Variants in TENM3 observed in about 807,000 individuals in gnomAD.
The protein encoded by TENM3 is teneurin transmembrane protein 3.
In TENM3, 63 loss-of-function variants were observed where a neutral mutation model predicts 255.1. The observed-to-expected ratio is 0.25, with a 90% confidence interval of 0.20 to 0.30. The LOEUF (loss-of-function observed/expected upper bound fraction) is 0.30. Among genes scored for constraint, TENM3 ranks in the 10% least tolerant of loss-of-function variants. The pLI is 1.00. For synonymous variants in TENM3, 1,306 were observed against 1,322.3 expected (o/e 0.99, Z 0.27); for missense variants, 2,929 against 3,461.1 (o/e 0.85, Z 3.86).
chr4:181,937,813 C>A, the TENM3 span, among the ~76,000 whole-genome samples: 2 of 152,194 alleles, frequency 1.3e-5, no homozygotes, highest in African/African-American at 4.8e-5. Context: ...TCAGTTGCCC[C>A]AGTCATCTTT....
At chr4:182,621,804 T>A (rs866013873) in intron 4 of TENM3, among the ~76,000 whole-genome samples, 13 of 6,716 alleles carry the variant, frequency 1.9e-3, no homozygotes, top group South Asian at 0.1. Flanking sequence ...ATATATAATA[T>A]ATATATTATA....
At chr4:181,937,012 A>T in the TENM3 span, among the ~76,000 whole-genome samples, 1 of 152,250 alleles carries the variant, frequency 6.6e-6, no homozygotes, top group Non-Finnish European at 1.5e-5. Flanking sequence ...GGAGAATGCC[A>T]TCTAATTACA....
At chr4:181,654,030 C>A in the TENM3 span, among the ~76,000 whole-genome samples, 744 of 152,000 alleles carry the variant, frequency 4.9e-3, 3 homozygotes, top group African/African-American at 0.017. Context: ...TGAGTAGCAT[C>A]TTTTACTCCT....
the TENM3 span, among the ~76,000 whole-genome samples, chr4:181,862,066 G>T: frequency 6.6e-6 from 1 of 152,042 alleles, no homozygotes; most frequent in African/African-American, 2.4e-5. Context: ...GTTAAATTTT[G>T]TGTTAACGTT....
chr4:181,520,553 A>G, the TENM3 span, among the ~76,000 whole-genome samples: 1 of 152,134 alleles, frequency 6.6e-6, no homozygotes, highest in East Asian at 1.9e-4. Flanking sequence ...AAAACAAACA[A>G]AAAAACCTCT....
the TENM3 span, among the ~76,000 whole-genome samples, chr4:181,498,125 T>C: frequency 6.3e-3 from 956 of 152,214 alleles, 17 homozygotes; most frequent in Admixed American, 0.039. Context: ...TACATTCAAA[T>C]AGAGCCACAC....
intron 3 of TENM3, among the ~76,000 whole-genome samples, chr4:182,558,715 T>C (rs899010099): frequency 7.9e-5 from 12 of 152,226 alleles, no homozygotes; most frequent in Non-Finnish European, 1.5e-4. Flanking sequence ...TCTCCTAATG[T>C]AAACAATAAT....
intron 3 of TENM3, among the ~76,000 whole-genome samples, chr4:182,395,107 G>A (rs1446188327): frequency 6.6e-6 from 1 of 152,130 alleles, no homozygotes; most frequent in Non-Finnish European, 1.5e-5. Flanking sequence ...AAAGATAATC[G>A]TGCTGATGAT....
intron 3 of TENM3, among the ~76,000 whole-genome samples, chr4:182,598,818 T>A (rs1239115498): frequency 2.6e-5 from 4 of 152,198 alleles, no homozygotes; most frequent in Non-Finnish European, 4.4e-5. Flanking sequence ...TTTCTCACAT[T>A]ACAGGTGAGA....
At chr4:182,050,035 C>T in the TENM3 span, among the ~76,000 whole-genome samples, 1 of 151,912 alleles carries the variant, frequency 6.6e-6, no homozygotes, top group South Asian at 2.1e-4. Flanking sequence ...CTCTGTCTCC[C>T]AGGTTGGAGT....
chr4:181,629,907 G>A, the TENM3 span, among the ~76,000 whole-genome samples: 4 of 152,206 alleles, frequency 2.6e-5, no homozygotes, highest in Non-Finnish European at 5.9e-5. Flanking sequence ...GTTTCAGAAG[G>A]AATGGTACCA....
chr4:181,454,659 A>G, the TENM3 span, among the ~76,000 whole-genome samples: 1 of 20,798 alleles, frequency 4.8e-5, no homozygotes, highest in Admixed American at 3.9e-4. Context: ...TGCCTTTTCT[A>G]TGTTTTTTAT....
the TENM3 span, among the ~76,000 whole-genome samples, chr4:181,555,915 CCTAGA>C: frequency 1.3e-5 from 2 of 152,146 alleles, no homozygotes; most frequent in Non-Finnish European, 2.9e-5. Flanking sequence ...TGGCAGTGAA[CCTAGA>C]AGAGAGAACA....
chr4:181,917,700 G>A, the TENM3 span, among the ~76,000 whole-genome samples: 1 of 138,558 alleles, frequency 7.2e-6, no homozygotes, highest in Admixed American at 7.6e-5. Context: ...CTTGCTCTGT[G>A]GCCCAGGCTG....
chr4:182,060,869 A>G, the TENM3 span, among the ~76,000 whole-genome samples: 1 of 152,204 alleles, frequency 6.6e-6, no homozygotes, highest in Non-Finnish European at 1.5e-5. Context: ...TAGGAAGCAT[A>G]TGTTCTCTAG....
the TENM3 span, among the ~76,000 whole-genome samples, chr4:182,107,663 G>T: frequency 6.6e-6 from 1 of 152,114 alleles, no homozygotes; most frequent in Non-Finnish European, 1.5e-5. Context: ...TTTTAAAGAA[G>T]GACAGGTACT....
At chr4:182,010,373 A>G in the TENM3 span, among the ~76,000 whole-genome samples, 26 of 152,238 alleles carry the variant, frequency 1.7e-4, no homozygotes, top group African/African-American at 6.0e-4. Context: ...ACAATTGGAA[A>G]CAGATATGTG....
Position 182,346,771 on chromosome 4 carries a change from C to T in TENM3, c.353C>T (p.Ala118Val), listed in dbSNP as rs1764844612. 17 of 1,613,554 alleles carry T rather than the reference C, an allele frequency of 1.1e-5. No homozygotes were observed. The highest frequency in any genetic ancestry group is 1.4e-5 in the Non-Finnish European group (17 of 1,179,758). The change falls in exon 3 of 28, where the codon GCT becomes GTT. Residue 118 changes from alanine (A) to valine (V), a missense_variant. Around this residue, in one of 6 missense-constraint regions of TENM3, gnomAD observed 283 missense variants for 256.9 expected, o/e 1.10. Coordinates refer to ENST00000511685, the MANE Select transcript of TENM3 (RefSeq NM_001080477.4). ...RGYSISAGSD[A>V]DTENEAVMSP... is the part of the protein sequence containing the mutation. Reference sequence around the variant, plus strand: ...TACTCTATCAGTGCAGGGTCAGATGCTGATACTGAAAATGAAGCAGTGATG... The same window carrying T: ...TACTCTATCAGTGCAGGGTCAGATGTTGATACTGAAAATGAAGCAGTGATG...
intron 5 of TENM3, among the ~76,000 whole-genome samples, chr4:182,635,535 A>G (rs1288943570): frequency 6.6e-6 from 1 of 152,224 alleles, no homozygotes; most frequent in African/African-American, 2.4e-5. Context: ...TCATTGCCCA[A>G]TGAAAACAAA....
Sources: gnomAD v4.1 joint callset for allele counts (sites outside exome capture counted in the v4.1 genomes callset) on GRCh38, gnomAD v4.1.1 for gene constraint, gnomAD v4.1.1 regional missense constraint, MANE v1.5 for transcripts, NCBI Gene and HGNC (gene_info 2026-07-23, HGNC 2026-07-21) for gene names.